Variants in KRT2 observed in about 807,000 individuals in gnomAD.
KRT2 encodes the protein keratin 2.
In KRT2, 37 loss-of-function variants were observed where a neutral mutation model predicts 48.5. That is an observed-to-expected ratio of 0.76 (90% CI 0.59 to 1.00). The LOEUF (loss-of-function observed/expected upper bound fraction) is 1.00, where lower values mean the gene tolerates loss of function less well. KRT2 is among the 50% of genes least tolerant of loss of function. The probability of loss-of-function intolerance (pLI) is 0.00; values close to 1 mark genes in which losing one functional copy is unlikely to be tolerated. For missense variants in KRT2, 880 were observed against 815.2 expected (o/e 1.08, Z -0.97); for synonymous variants, 324 against 312.2 (o/e 1.04, Z -0.40).
chr12:52,650,539 C>T lies in KRT2; in HGVS notation c.600G>A (p.Glu200=), dbSNP rs747390060. The T allele has an allele frequency of 1.9e-6, 3 of 1,612,160 alleles. No individual in the cohort carries two copies. The highest frequency in any genetic ancestry group is 1.1e-5 in the South Asian group (1 of 90,998). ...TGGTCTGTAACACCTGGTTCTGCTG[C>T]TCCAAGAACCGCACCTGCCATGACC... is the stretch of plus-strand genomic sequence containing the variant. The part of the protein sequence containing the change: ...ASFIDKVRFL[E]QQNQVLQTKW... The change falls in exon 2 of 9, where the codon GAG becomes GAA. Residue 200 remains glutamate, a synonymous_variant. Transcript: ENST00000309680.
chr12:52,646,580 T>A (rs1346784515), intron 7 of KRT2, among the ~76,000 whole-genome samples, 160 bp downstream of exon 7: 6 of 152,236 alleles, frequency 3.9e-5, no homozygotes, highest in African/African-American at 7.2e-5. Flanking sequence ...TCATGCTTTA[T>A]GTCCTGAGTT....
chr12:52,650,676 C>G (rs2232550), intron 1 of KRT2, 123 bp from the exon 2 acceptor site: 4 of 791,514 alleles, frequency 5.1e-6, no homozygotes, highest in Non-Finnish European at 6.6e-6. Context: ...GGCTGGATGC[C>G]GAGTCATGAC....
At chr12:52,649,150 T>A (rs1565639757) in intron 3 of KRT2, 48 bp from the exon 4 acceptor site, 6 of 1,120,168 alleles carry the variant, frequency 5.4e-6, no homozygotes, top group South Asian at 1.2e-5. Flanking sequence ...TGTACAGGCC[T>A]CTTCCTCTCT....
chr12:52,650,531 T>C lies in KRT2; in HGVS notation c.608A>G (p.Asn203Ser), dbSNP rs1448614196. Residue 203 changes from asparagine (N) to serine (S), a missense_variant, in exon 2 of 9, where the codon AAC (asparagine) becomes AGC (serine). Transcript: ENST00000309680. ...IDKVRFLEQQ[N>S]QVLQTKWELL... ...CTCCCATTTGGTCTGTAACACCTGG[T>C]TCTGCTGCTCCAAGAACCGCACCTG... 6.2e-7 allele frequency: 1 copy of C among 1,612,628 alleles called. No homozygotes were observed. The highest frequency in any genetic ancestry group is 8.5e-7 in the Non-Finnish European group (1 of 1,179,952).
intron 6 of KRT2, among the ~76,000 whole-genome samples, chr12:52,647,424 A>C (rs1210320084): frequency 6.6e-6 from 1 of 152,246 alleles, no homozygotes; most frequent in Non-Finnish European, 1.5e-5. Context: ...CTCCATCGGC[A>C]ATCTGCAGCA....
intron 3 of KRT2, among the ~76,000 whole-genome samples, chr12:52,649,454 A>G (rs930325787): frequency 1.3e-5 from 2 of 151,960 alleles, no homozygotes; most frequent in African/African-American, 4.8e-5. Flanking sequence ...CCGTCTGTCC[A>G]TCTCACCTCT....
chr12:52,647,284 A>T (rs1941181217), intron 6 of KRT2, among the ~76,000 whole-genome samples: 1 of 151,620 alleles, frequency 6.6e-6, no homozygotes, highest in South Asian at 2.1e-4. Context: ...GATGGAATCC[A>T]CTCTCTGCCT....
At position 52,648,066 on chromosome 12, in the gene KRT2, C is replaced by T. The variant is rs1941194967; in HGVS notation, c.1122+107G>A. 6 of 1,362,374 alleles carry T rather than the reference C, an allele frequency of 4.4e-6. No homozygotes were observed. In the Admixed American group the frequency reaches 1.0e-4, roughly 23 times the overall value. The allele number at this position is 1,362,374 out of a possible 1,614,324, so 84.4% of individuals were successfully genotyped here. A position where few individuals can be genotyped will look rare whatever the true frequency, so the allele number is the denominator to read the frequency against. On this transcript the variant is annotated intron_variant, in intron 5 of 8. Coordinates refer to ENST00000309680, the MANE Select transcript of KRT2 (RefSeq NM_000423.3). ...ATCCTTTCTTGGGAATGGTGCCCAA[C>T]TACCATTAAACAAAAAACCAATAAC...
In KRT2 at chr12:52,651,669, G is replaced by T. The variant is rs372572918; in HGVS notation, c.474C>A (p.Ser158Arg). 1 of 1,613,826 alleles carries T rather than the reference G, an allele frequency of 6.2e-7. No homozygotes were observed. Among genetic ancestry groups the T allele is most frequent in the African/African-American group, 1.3e-5 (1 of 74,850 alleles). The change falls in exon 1 of 9, where the codon AGC becomes AGA. Residue 158 changes from serine to arginine, a missense_variant. Transcript: ENST00000309680. ...GGIHEVSVNQSLLQPLNVKVD... is the reference protein window; with the variant it reads ...GGIHEVSVNQRLLQPLNVKVD... ...CTTTCACGTTGAGAGGCTGCAGGAG[G>T]CTCTGGTTGACAGAGACTTCGTGGA...
At chr12:52,647,034 A>G (rs1941177982) in intron 6 of KRT2, 74 bp from the exon 7 acceptor site, 2 of 1,391,924 alleles carry the variant, frequency 1.4e-6, no homozygotes, top group African/African-American at 2.8e-5. Context: ...GAAGTGCAGG[A>G]AGCCAGAACC....
chr12:52,651,487 A>G, intron 1 of KRT2, 71 bp downstream of exon 1: 1 of 1,181,794 alleles, frequency 8.5e-7, no homozygotes, highest in Non-Finnish European at 1.3e-6. Flanking sequence ...AATCTGTGCC[A>G]TTTTCTTTTT....
chr12:52,648,484 G>C (rs1044110318), intron 4 of KRT2, 147 bp from the exon 5 acceptor site: 3 of 779,216 alleles, frequency 3.9e-6, no homozygotes, highest in Admixed American at 3.6e-5. Flanking sequence ...GTCTACTCCT[G>C]GGCCTCTCCC....
chr12:52,648,437 C>A, intron 4 of KRT2, 100 bp from the exon 5 acceptor site: 8 of 969,086 alleles, frequency 8.3e-6, no homozygotes, highest in Non-Finnish European at 1.3e-5. Context: ...GACCCTCAGA[C>A]TAAGCATACA....
chr12:52,651,947 G>A lies in KRT2; in HGVS notation c.196C>T (p.Leu66Phe), dbSNP rs1331070675. Residue 66 changes from leucine (L) to phenylalanine (F), a missense_variant, in exon 1 of 9, where the codon CTT becomes TTT. Leu to Phe is a conservative substitution (Grantham distance 22, BLOSUM62 0). Coordinates refer to ENST00000309680, the MANE Select transcript of KRT2 (RefSeq NM_000423.3). ...ATGGAGATGCTCTTGGTCCCTCCAA[G>A]GCCAACAAGACTCCGACTGCCAAAG... is the stretch of plus-strand genomic sequence containing the variant. ...GGFGSRSLVG[L>F]GGTKSISISV... 3 of 1,613,354 alleles carry A rather than the reference G, an allele frequency of 1.9e-6. No homozygotes were observed. The highest frequency in any genetic ancestry group is 2.5e-6 in the Non-Finnish European group (3 of 1,179,792).
rs138774076 is a variant in KRT2 at position 52,647,832 on chromosome 12, G to A, written c.1146C>T (p.Val382=). ...HSKYEELQVT[V]GRHGDSLKEI... ...CTTTCAGGCTGTCTCCATGTCTCCC[G>A]ACAGTCACCTGGAGCTCCTCATACT... Residue 382 remains valine (V), a synonymous_variant, in exon 6 of 9, where the codon GTC becomes GTT. Transcript: ENST00000309680. 9.9e-5 allele frequency: 160 copies of A among 1,614,050 alleles called. No individual in the cohort carries two copies. The African/African-American group carries it at 1.8e-3, about 18-fold the overall frequency.
At position 52,652,113 on chromosome 12, in the gene KRT2, T is replaced by C. The variant is rs1057132306; in HGVS notation, c.30A>G (p.Arg10=). Residue 10 remains arginine, a synonymous_variant, in exon 1 of 9, where the codon CGA becomes CGG. Transcript: ENST00000309680. MSCQISCKS[R]GRGGGGGGFR... ...ATCCTCCTCCACCTCCTCCTCTTCC[T>C]CGAGATTTGCAAGAGATCTGACAAC... 5.1e-6 allele frequency: 8 copies of C among 1,565,586 alleles called. No homozygotes were observed. Among genetic ancestry groups the C allele is most frequent in the Admixed American group, 1.8e-5 (1 of 54,424 alleles).
intron 4 of KRT2, 47 bp downstream of exon 4, chr12:52,648,960 G>T (rs775083877): frequency 1.7e-6 from 2 of 1,187,954 alleles, no homozygotes; most frequent in Non-Finnish European, 2.5e-6. Flanking sequence ...CTTTCATTTG[G>T]TGAGAAGGGT....
chr12:52,646,109 A>C (rs1941158602), intron 7 of KRT2, among the ~76,000 whole-genome samples: 1 of 151,892 alleles, frequency 6.6e-6, no homozygotes, highest in Admixed American at 6.6e-5. Flanking sequence ...GAAGAAAGCC[A>C]CTCCCTGTTT....
rs112988962 is a variant in KRT2, at chr12:52,650,777, C to T, written c.586-224G>A. ...CGGCTCTCTCCACGCAGAGGAGACT[C>T]TTTGCTGCTTCACTGCTCACTGGTT... On this transcript the variant is annotated intron_variant, in intron 1 of 8. Transcript: ENST00000309680. 77 of 590,538 alleles carry T rather than the reference C, an allele frequency of 1.3e-4. 1 individual carries two copies. The highest frequency in any genetic ancestry group is 1.3e-3 in the African/African-American group (70 of 54,092). 36.6% of individuals were successfully genotyped at this position (590,538 alleles called of 1,614,324 possible).
Sources: gnomAD v4.1 joint callset for allele counts (sites outside exome capture counted in the v4.1 genomes callset) on GRCh38, gnomAD v4.1.1 for gene constraint, MANE v1.5 for transcripts, NCBI Gene and HGNC (gene_info 2026-07-23, HGNC 2026-07-21) for gene names.